The following ANK3 variants were observed in gnomAD, a reference collection of about 807,000 sequenced individuals.
The protein encoded by ANK3 is ankyrin 3, also known as ankyrin-3.
Under a neutral mutation model 370.9 loss-of-function variants are expected in ANK3, and 57 were observed. That is an observed-to-expected ratio of 0.15 (90% confidence interval 0.12 to 0.19). ANK3 has a LOEUF of 0.19. ANK3 is among the 10% of genes least tolerant of loss of function. The pLI is 1.00. For missense variants in ANK3, 4,439 were observed against 5,302.1 expected (o/e 0.84, Z 5.06); for synonymous variants, 1,929 against 1,946.3 (o/e 0.99, Z 0.23).
chr10:60,632,411 T>C (rs906365907), intron 1 of ANK3, among the ~76,000 whole-genome samples: 3 of 151,942 alleles, frequency 2.0e-5, no homozygotes, highest in Non-Finnish European at 2.9e-5. Flanking sequence ...AAAAAACAGA[T>C]TTAGGAAAGC....
At chr10:60,377,793 G>C (rs943162628) in intron 1 of ANK3, among the ~76,000 whole-genome samples, 5 of 152,178 alleles carry the variant, frequency 3.3e-5, no homozygotes, top group African/African-American at 1.2e-4. Flanking sequence ...ATCAGTAATA[G>C]TGATAAAAAG....
rs189500188 is a variant in ANK3, at chr10:60,498,426, C to T, written c.96+116760G>A. Among the ~76,000 whole-genome samples, 254 of 152,248 alleles carry T rather than the reference C, an allele frequency of 1.7e-3. 1 individual carries two copies. The highest frequency in any genetic ancestry group is 5.9e-3 in the African/African-American group (244 of 41,566). ...TTTTATTTTGTAGCAGGGCCTCACT[C>T]TGTCACCCAGGCTGGAGAACAGCAC... is the stretch of plus-strand genomic sequence containing the variant. On this transcript the variant is annotated intron_variant, in intron 2 of 43. Transcript: ENST00000373827.
chr10:60,271,317 G>A (rs1366413193), intron 4 of ANK3, among the ~76,000 whole-genome samples: 1 of 151,940 alleles, frequency 6.6e-6, no homozygotes, highest in Non-Finnish European at 1.5e-5. Flanking sequence ...CGATCCTTCT[G>A]CCTCAGCTTC....
At chr10:60,132,290 T>C (rs2094119073) in intron 25 of ANK3, among the ~76,000 whole-genome samples, 1 of 152,158 alleles carries the variant, frequency 6.6e-6, no homozygotes, top group Non-Finnish European at 1.5e-5. Context: ...AATCTCATCT[T>C]GAATTGTAGC....
chr10:60,445,156 G>A (rs2064410061), intron 2 of ANK3, among the ~76,000 whole-genome samples: 1 of 152,150 alleles, frequency 6.6e-6, no homozygotes, highest in African/African-American at 2.4e-5. Flanking sequence ...CTGGTACAGT[G>A]GCTCACGCCT....
At chr10:60,193,375 C>T (rs967117420) in intron 16 of ANK3, among the ~76,000 whole-genome samples, 4 of 152,052 alleles carry the variant, frequency 2.6e-5, no homozygotes, top group South Asian at 2.1e-4. Context: ...GTTATTTGTG[C>T]GCCTAGCACA....
chr10:60,634,418 G>A (rs980170199), intron 1 of ANK3, among the ~76,000 whole-genome samples: 6 of 152,128 alleles, frequency 3.9e-5, no homozygotes, highest in Admixed American at 6.5e-5. Context: ...TGGGTCGAGT[G>A]GGGACTTGGA....
intron 2 of ANK3, among the ~76,000 whole-genome samples, chr10:60,415,234 C>T (rs1212921330): frequency 6.6e-6 from 1 of 152,118 alleles, no homozygotes; most frequent in Non-Finnish European, 1.5e-5. Context: ...ATCCTGCCTA[C>T]AAGGACTTGT....
chr10:60,264,634 CAA>C (rs879532506), intron 5 of ANK3, among the ~76,000 whole-genome samples: 1 of 81,334 alleles, frequency 1.2e-5, no homozygotes, highest in Non-Finnish European at 2.6e-5. Context: ...AAGACTCTGT[CAA>C]AAAAAAAAAA....
At chr10:60,583,241 C>T (rs1406947354) in intron 2 of ANK3, among the ~76,000 whole-genome samples, 6 of 152,032 alleles carry the variant, frequency 3.9e-5, no homozygotes, top group East Asian at 3.9e-4. Flanking sequence ...TTACCTGAAG[C>T]GAAATAAGCC....
At chr10:60,333,173 T>A (rs928547192) in intron 1 of ANK3, among the ~76,000 whole-genome samples, 1 of 152,180 alleles carries the variant, frequency 6.6e-6, no homozygotes, top group Non-Finnish European at 1.5e-5. Flanking sequence ...TATTATACTT[T>A]AAGTTCTGAG....
chr10:60,229,599 A>G (rs1259325334), intron 8 of ANK3, among the ~76,000 whole-genome samples: 1 of 152,212 alleles, frequency 6.6e-6, no homozygotes, highest in African/African-American at 2.4e-5. Context: ...TAAAAATTTA[A>G]CAATTGACAG....
intron 1 of ANK3, among the ~76,000 whole-genome samples, chr10:60,344,852 T>C (rs2055065214): frequency 6.6e-6 from 1 of 152,168 alleles, no homozygotes; most frequent in Non-Finnish European, 1.5e-5. Context: ...AAATGAAATA[T>C]TTGGTTAACT....
chr10:60,085,433 G>A (rs904969206), intron 30 of ANK3, among the ~76,000 whole-genome samples, 180 bp from the exon 31 acceptor site: 10 of 151,834 alleles, frequency 6.6e-5, no homozygotes, highest in Non-Finnish European at 1.3e-4. Flanking sequence ...CTTTTACCAG[G>A]CTTATTGTGA....
At chr10:60,673,629 G>T (rs1203202215) in intron 1 of ANK3, among the ~76,000 whole-genome samples, 1 of 152,190 alleles carries the variant, frequency 6.6e-6, no homozygotes, top group East Asian at 1.9e-4. Flanking sequence ...TGGGATTACA[G>T]GCATGAACCA....
At chr10:60,143,734 G>T (rs542305905) in intron 23 of ANK3, among the ~76,000 whole-genome samples, 2 of 152,222 alleles carry the variant, frequency 1.3e-5, no homozygotes, top group South Asian at 4.1e-4. Flanking sequence ...AATTGAATCT[G>T]GGTTGGCTGA....
upstream of ANK3, among the ~76,000 whole-genome samples, chr10:60,392,860 C>T (rs1354719863): frequency 3.9e-5 from 6 of 151,984 alleles, no homozygotes; most frequent in South Asian, 4.2e-4. Context: ...ACCTGGGAGG[C>T]GGTGGTTGCA....
chr10:60,346,694 GA>G (rs1386265992), intron 1 of ANK3, among the ~76,000 whole-genome samples: 1 of 151,918 alleles, frequency 6.6e-6, no homozygotes, highest in Non-Finnish European at 1.5e-5. Context: ...TCATACTTTG[GA>G]AATATATATG....
At chr10:60,609,883 T>C (rs963629175) in intron 2 of ANK3, among the ~76,000 whole-genome samples, 3 of 152,152 alleles carry the variant, frequency 2.0e-5, no homozygotes, top group Non-Finnish European at 2.9e-5. Flanking sequence ...CTATATTTTC[T>C]AAAGATTTAC....
Sources: gnomAD v4.1 joint callset for allele counts (sites outside exome capture counted in the v4.1 genomes callset) on GRCh38, gnomAD v4.1.1 for gene constraint, MANE v1.5 for transcripts, NCBI Gene and HGNC (gene_info 2026-07-23, HGNC 2026-07-21) for gene names.